Variants in DGKB observed in about 807,000 individuals in gnomAD.
DGKB encodes the protein 90 kDa diacylglycerol kinase.
In DGKB, 67 loss-of-function variants were observed where a neutral mutation model predicts 114.3. The ratio of observed to expected loss-of-function variants is 0.59; its 90% CI spans 0.48 to 0.72. The LOEUF is 0.72. DGKB is among the 30% of genes least tolerant of loss of function. The pLI is 0.00. For missense variants in DGKB, 907 were observed against 975.2 expected (o/e 0.93, Z 0.93); for synonymous variants, 398 against 323.1 (o/e 1.23, Z -2.49).
chr7:14,759,667 A>T (rs549771493), intron 2 of DGKB, among the ~76,000 whole-genome samples: 1 of 152,298 alleles, frequency 6.6e-6, no homozygotes, highest in South Asian at 2.1e-4. Flanking sequence ...CAGCTGATGT[A>T]CATTCAACTT....
intron 1 of DGKB, among the ~76,000 whole-genome samples, chr7:14,909,836 C>T (rs2128242951): frequency 6.6e-6 from 1 of 152,040 alleles, no homozygotes; most frequent in South Asian, 2.1e-4. Context: ...AAACTGACAT[C>T]AAAATTAAGA....
Position 14,685,288 on chromosome 7 carries a change from C to G in DGKB, c.786G>C (p.Leu262=). ...GCTTCCCCACGCCAATCAGCATGTT[C>G]AGGCAAAGGTTGCAATAGGCAGGTT... ...FNKPAYCNLC[L]NMLIGVGKQG... Residue 262 remains leucine, a synonymous_variant, in exon 10 of 26, where the codon CTG becomes CTC. Transcript: ENST00000402815. 6.2e-7 allele frequency: 1 copy of G among 1,613,858 alleles called. No individual in the cohort carries two copies. The highest frequency in any genetic ancestry group is 8.5e-7 in the Non-Finnish European group (1 of 1,179,774).
At chr7:14,373,568 C>T (rs1291491785) in intron 21 of DGKB, among the ~76,000 whole-genome samples, 1 of 152,102 alleles carries the variant, frequency 6.6e-6, no homozygotes, top group East Asian at 1.9e-4. Context: ...AGATTACTTC[C>T]CTGCCTTAGC....
intron 23 of DGKB, among the ~76,000 whole-genome samples, chr7:14,231,563 A>G (rs1227893432): frequency 6.7e-6 from 1 of 149,694 alleles, no homozygotes; most frequent in Admixed American, 6.7e-5. Flanking sequence ...AAAATTATGC[A>G]TATTTTATGT....
intron 13 of DGKB, among the ~76,000 whole-genome samples, chr7:14,663,779 T>A (rs1387093062): frequency 1.3e-5 from 2 of 148,442 alleles, no homozygotes; most frequent in Non-Finnish European, 3.0e-5. Context: ...TCCTCTTTTC[T>A]AAAACTTTTA....
At chr7:14,580,309 C>G (rs1042054875) in intron 19 of DGKB, among the ~76,000 whole-genome samples, 1 of 152,166 alleles carries the variant, frequency 6.6e-6, no homozygotes, top group Admixed American at 6.5e-5. Context: ...CATCTGTTTA[C>G]TTGTTAGTGT....
intron 17 of DGKB, among the ~76,000 whole-genome samples, chr7:14,583,455 T>C (rs1800259403): frequency 6.6e-6 from 1 of 152,182 alleles, no homozygotes; most frequent in Non-Finnish European, 1.5e-5. Context: ...AGATGTGATT[T>C]GCAGTTCGCA....
At chr7:14,962,887 G>A (rs1164945531) in intron 1 of DGKB, among the ~76,000 whole-genome samples, 3 of 152,050 alleles carry the variant, frequency 2.0e-5, no homozygotes, top group African/African-American at 7.2e-5. Context: ...ATGAGCTTAG[G>A]CAAGATATAA....
In DGKB at chr7:14,653,098, G is replaced by A. The variant is rs931960728; in HGVS notation, c.1134+19831C>T. ...CAACCATTGTGGAAGTCAGTGTGGC[G>A]ATTCCTCAGGGATCTAGAACTGGAA... On this transcript the variant is annotated intron_variant, in intron 13 of 25. Coordinates refer to ENST00000402815, the MANE Select transcript of DGKB (RefSeq NM_001350709.2). Among the ~76,000 whole-genome samples the A allele has an allele frequency of 6.6e-3, 995 of 150,582 alleles. 9 individuals are homozygous for A. Among genetic ancestry groups the A allele is most frequent in the African/African-American group, 0.023 (932 of 40,668 alleles).
At chr7:14,613,263 A>G in intron 16 of DGKB, 77 bp downstream of exon 16, 1 of 805,812 alleles carries the variant, frequency 1.2e-6, no homozygotes, top group Non-Finnish European at 2.0e-6. Flanking sequence ...ATTGTTTTTA[A>G]GCATTTTTAC....
intron 20 of DGKB, among the ~76,000 whole-genome samples, chr7:14,520,208 C>CTTTTTT (rs1319688779): frequency 2.1e-4 from 19 of 89,198 alleles, no homozygotes; most frequent in Admixed American, 7.6e-4. Context: ...ATCTTTTTTC[C>CTTTTTT]TATTTTTTTT....
intron 21 of DGKB, among the ~76,000 whole-genome samples, chr7:14,356,062 C>A (rs1488713195): frequency 1.3e-5 from 2 of 152,132 alleles, no homozygotes; most frequent in African/African-American, 4.8e-5. Context: ...AGTTTATTTG[C>A]ATAGAGGTAT....
intron 4 of DGKB, among the ~76,000 whole-genome samples, chr7:14,738,326 C>G (rs1401841595): frequency 6.6e-6 from 1 of 152,212 alleles, no homozygotes; most frequent in Non-Finnish European, 1.5e-5. Context: ...TATGGTAGCG[C>G]TTCCTTCTGT....
chr7:14,857,204 CTG>C (rs1333402484), intron 1 of DGKB, among the ~76,000 whole-genome samples: 1 of 112,796 alleles, frequency 8.9e-6, no homozygotes, highest in Non-Finnish European at 1.7e-5. Flanking sequence ...CTCTCTCTCT[CTG>C]TCTCTCTCTC....
At chr7:14,556,609 CA>C (rs1031328707) in intron 20 of DGKB, among the ~76,000 whole-genome samples, 1 of 151,930 alleles carries the variant, frequency 6.6e-6, no homozygotes, top group African/African-American at 2.4e-5. Flanking sequence ...TTTTTAATCA[CA>C]AAAAACAGCA....
chr7:14,759,747 T>C (rs747665568), intron 2 of DGKB, among the ~76,000 whole-genome samples: 8 of 152,186 alleles, frequency 5.3e-5, no homozygotes, highest in Non-Finnish European at 1.2e-4. Context: ...TATAAACATA[T>C]AATTCAATTC....
intron 10 of DGKB, among the ~76,000 whole-genome samples, chr7:14,683,102 T>A (rs1158422813): frequency 6.6e-6 from 1 of 152,138 alleles, no homozygotes; most frequent in African/African-American, 2.4e-5. Flanking sequence ...AAATCAGTCC[T>A]CACTCAAATT....
intron 2 of DGKB, among the ~76,000 whole-genome samples, chr7:14,763,162 T>G (rs961292659): frequency 1.3e-5 from 2 of 152,118 alleles, no homozygotes; most frequent in Admixed American, 6.6e-5. Flanking sequence ...CTGATGATTT[T>G]TTTTTCCTCA....
chr7:14,539,828 G>A (rs182953573), intron 20 of DGKB, among the ~76,000 whole-genome samples: 4 of 152,200 alleles, frequency 2.6e-5, no homozygotes, highest in Non-Finnish European at 5.9e-5. Context: ...TTCATAGTAT[G>A]TGGACTGACT....
Sources: allele counts gnomAD v4.1 joint callset (sites outside exome capture counted in the v4.1 genomes callset), GRCh38; gene constraint gnomAD v4.1.1; transcripts MANE v1.5; gene names NCBI Gene and HGNC (gene_info 2026-07-23, HGNC 2026-07-21).